SBF2: variants seen among roughly 807,000 people sequenced by gnomAD.
SBF2 encodes the protein myotubularin-related protein 13.
Under a neutral mutation model 225.2 loss-of-function variants are expected in SBF2, and 112 were observed. The observed-to-expected ratio is 0.50, with a 90% CI of 0.43 to 0.58. The LOEUF (loss-of-function observed/expected upper bound fraction) is 0.58. Among genes scored for constraint, SBF2 ranks in the 20% least tolerant of loss-of-function variants. The pLI is 0.00. For synonymous variants in SBF2, 763 were observed against 773.3 expected (o/e 0.99, Z 0.22); for missense variants, 1,996 against 2,206.2 (o/e 0.90, Z 1.91).
At chr11:10,120,537 G>A (rs1230470251) in intron 2 of SBF2, among the ~76,000 whole-genome samples, 2 of 152,118 alleles carry the variant, frequency 1.3e-5, no homozygotes, top group South Asian at 2.1e-4. Flanking sequence ...CACAATGGCT[G>A]TACCATGTTA....
chr11:9,796,549 ATGTG>A (rs1442674039), intron 32 of SBF2, among the ~76,000 whole-genome samples: 2 of 152,190 alleles, frequency 1.3e-5, no homozygotes, highest in Non-Finnish European at 2.9e-5. Context: ...GTCAAAAGAA[ATGTG>A]TGTGTGTCTG....
intron 2 of SBF2, among the ~76,000 whole-genome samples, chr11:10,124,232 T>C (rs557024639): frequency 1.3e-5 from 2 of 152,242 alleles, no homozygotes; most frequent in African/African-American, 4.8e-5. Flanking sequence ...TCAACCTTTG[T>C]ATCTTTTAAC....
intron 13 of SBF2, among the ~76,000 whole-genome samples, chr11:9,975,972 G>C (rs1008734911): frequency 1.3e-5 from 2 of 151,354 alleles, no homozygotes; most frequent in Non-Finnish European, 2.9e-5. Context: ...TTGTATTTGA[G>C]TTTTGTTCTC....
chr11:9,848,637 T>C (rs1856716914), intron 22 of SBF2, among the ~76,000 whole-genome samples: 1 of 152,294 alleles, frequency 6.6e-6, no homozygotes, highest in African/African-American at 2.4e-5. Context: ...AATGTGTGTT[T>C]ATGGCCATTA....
intron 26 of SBF2, among the ~76,000 whole-genome samples, chr11:9,837,590 T>C (rs925247991): frequency 6.6e-6 from 1 of 152,258 alleles, no homozygotes; most frequent in African/African-American, 2.4e-5. Context: ...TTATCAACCA[T>C]CCTTTCTTAC....
chr11:9,912,531 G>A (rs1281809924), intron 16 of SBF2, among the ~76,000 whole-genome samples: 1 of 152,170 alleles, frequency 6.6e-6, no homozygotes, highest in Admixed American at 6.5e-5. Flanking sequence ...GCAGTGAGCC[G>A]AGATCACTCC....
intron 2 of SBF2, among the ~76,000 whole-genome samples, chr11:10,155,890 C>T (rs1242741510): frequency 6.6e-6 from 1 of 152,164 alleles, no homozygotes. Flanking sequence ...TGGCAGTGGC[C>T]AGTTTGGAGG....
At chr11:9,882,381 C>A (rs17354870) in intron 17 of SBF2, among the ~76,000 whole-genome samples, 24,709 of 152,132 alleles carry the variant, frequency 0.16, 2,082 homozygotes, top group Middle Eastern at 0.31. Context: ...AATGGTGACA[C>A]AATATCCTAA....
intron 2 of SBF2, among the ~76,000 whole-genome samples, chr11:10,109,747 A>G (rs887665944): frequency 1.3e-5 from 2 of 152,218 alleles, no homozygotes; most frequent in African/African-American, 4.8e-5. Context: ...GTTACCAATG[A>G]TCATTACCTA....
chr11:10,077,215 T>C (rs902703791), intron 2 of SBF2, among the ~76,000 whole-genome samples: 1 of 152,184 alleles, frequency 6.6e-6, no homozygotes, highest in African/African-American at 2.4e-5. Context: ...ATCGTGAAAA[T>C]GGCCATACGG....
intron 32 of SBF2, among the ~76,000 whole-genome samples, chr11:9,798,825 G>A (rs1329865439): frequency 1.3e-5 from 2 of 151,516 alleles, no homozygotes; most frequent in African/African-American, 2.4e-5. Context: ...GGTGGCGGGC[G>A]CCTGTAGTCC....
chr11:10,139,252 A>G (rs1292278535), intron 2 of SBF2, among the ~76,000 whole-genome samples: 1 of 152,220 alleles, frequency 6.6e-6, no homozygotes, highest in Admixed American at 6.5e-5. Flanking sequence ...ACTCTATCAT[A>G]TACAAAGGAT....
At chr11:9,787,515 C>G (rs1176962167) in intron 36 of SBF2, 119 bp downstream of exon 36, 2 of 803,556 alleles carry the variant, frequency 2.5e-6, no homozygotes, top group East Asian at 5.2e-5. Context: ...CCTCCCCTTT[C>G]CACCCTTCCT....
intron 2 of SBF2, among the ~76,000 whole-genome samples, chr11:10,050,835 C>T (rs1316110248): frequency 6.6e-6 from 1 of 152,242 alleles, no homozygotes; most frequent in Non-Finnish European, 1.5e-5. Context: ...TCATACTACT[C>T]AGATGGTGCA....
Position 9,780,530 on chromosome 11 carries a change from T to G in SBF2, c.5452-14A>C. ...GCTGGTCTTGAGCTACAAAACCAAA[T>G]GACAGTGAACCAGAGATGAAGGGCA... On this transcript the variant is annotated splice_polypyrimidine_tract_variant and intron_variant, in intron 39 of 39. Transcript: ENST00000256190. 6.2e-7 allele frequency: 1 copy of G among 1,611,700 alleles called. No individual in the cohort carries two copies. Among genetic ancestry groups the G allele is most frequent in the Non-Finnish European group, 8.5e-7 (1 of 1,177,822 alleles).
chr11:10,146,014 C>T (rs924348726), intron 2 of SBF2, among the ~76,000 whole-genome samples: 1 of 152,014 alleles, frequency 6.6e-6, no homozygotes, highest in Non-Finnish European at 1.5e-5. Flanking sequence ...ATACAGCTAA[C>T]CAGGAAGGTG....
At chr11:10,268,738 G>C (rs56342948) in intron 1 of SBF2, among the ~76,000 whole-genome samples, 1,638 of 152,278 alleles carry the variant, frequency 0.011, 33 homozygotes, top group African/African-American at 0.037. Context: ...AGCATACTGT[G>C]ATATATTTGG....
intron 2 of SBF2, among the ~76,000 whole-genome samples, chr11:10,090,271 A>C (rs1008340758): frequency 6.6e-6 from 1 of 152,216 alleles, no homozygotes; most frequent in Non-Finnish European, 1.5e-5. Flanking sequence ...TGATTGCATA[A>C]CAATGAGAAT....
At position 10,218,944 on chromosome 11, in the gene SBF2, G is replaced by T. The variant is rs577542649; in HGVS notation, c.56-24957C>A. Among the ~76,000 whole-genome samples, 3 of 152,250 alleles carry T rather than the reference G, an allele frequency of 2.0e-5. No homozygotes were observed. In the South Asian group the frequency reaches 6.2e-4, roughly 32 times the overall value. On this transcript the variant is annotated intron_variant, in intron 1 of 39. Coordinates refer to ENST00000256190, the MANE Select transcript of SBF2 (RefSeq NM_030962.4). ...TAGCCCTGCTCCTGGCTGTTTTCAT[G>T]GGCTGCTATTGAGTGTCTGTGGCTT...
Sources: allele counts gnomAD v4.1 joint callset (sites outside exome capture counted in the v4.1 genomes callset), GRCh38; gene constraint gnomAD v4.1.1; transcripts MANE v1.5; gene names NCBI Gene and HGNC (gene_info 2026-07-23, HGNC 2026-07-21).